DIP2A: variants seen among roughly 807,000 people sequenced by gnomAD.
The protein encoded by DIP2A is DIP2 acetate--CoA ligase A.
Under a neutral mutation model 177.4 loss-of-function variants are expected in DIP2A, and 85 were observed. The ratio of observed to expected loss-of-function variants is 0.48; its 90% CI spans 0.40 to 0.57. The LOEUF is 0.57. Among genes scored for constraint, DIP2A ranks in the 20% least tolerant of loss-of-function variants. The pLI is 0.00. For synonymous variants in DIP2A, 886 were observed against 881.8 expected (o/e 1.00, Z -0.08); for missense variants, 1,791 against 2,100.2 (o/e 0.85, Z 2.88).
chr21:46,496,459 A>G (rs1236979825), intron 3 of DIP2A, among the ~76,000 whole-genome samples: 2 of 152,218 alleles, frequency 1.3e-5, no homozygotes, highest in African/African-American at 4.8e-5. Context: ...CAGCTGCAAT[A>G]GTTTAAACCA....
At chr21:46,531,297 GACCC>G (rs1162767655) in intron 9 of DIP2A, among the ~76,000 whole-genome samples, 1 of 152,142 alleles carries the variant, frequency 6.6e-6, no homozygotes, top group Admixed American at 6.5e-5. Flanking sequence ...TTTGGAAAAT[GACCC>G]ACCAGTAGGT....
At chr21:46,543,786 G>A (rs1266548354) in intron 18 of DIP2A, among the ~76,000 whole-genome samples, 2 of 152,204 alleles carry the variant, frequency 1.3e-5, no homozygotes, top group Admixed American at 6.5e-5. Flanking sequence ...GTGTGGCACT[G>A]ATGGCTGCCT....
intron 8 of DIP2A, among the ~76,000 whole-genome samples, chr21:46,516,906 A>T (rs904480101): frequency 5.9e-5 from 9 of 152,098 alleles, no homozygotes; most frequent in African/African-American, 2.2e-4. Context: ...ACTCTGGAAA[A>T]ATTTCTCATT....
At position 46,540,009 on chromosome 21, in the gene DIP2A, T is replaced by C; in HGVS notation, c.2036+18T>C. 1.3e-6 allele frequency: 2 copies of C among 1,594,550 alleles called. No individual in the cohort carries two copies. The highest frequency in any genetic ancestry group is 1.7e-6 in the Non-Finnish European group (2 of 1,162,242). On this transcript the variant is annotated intron_variant, in intron 17 of 37. Coordinates refer to ENST00000417564, the MANE Select transcript of DIP2A (RefSeq NM_015151.4). ...ATCCGCAGGTAACCTTATTCCTTGC[T>C]ATGTCTCATGAGCACTTAGTTGAAT...
At position 46,563,682 on chromosome 21, in the gene DIP2A, C is replaced by G. The variant is rs1381309800; in HGVS notation, c.4090-176C>G. On this transcript the variant is annotated intron_variant, in intron 34 of 37. Transcript: ENST00000417564. This position sits in a 1 kb window ranked among gnomAD's most constrained non-coding sequence, Gnocchi z 4.3. ...ATTTTGCTTATTTCTATTAACATCT[C>G]TTATTTCTTTCAAAATTCAAAGTCA... 1 of 1,221,970 alleles carries G rather than the reference C, an allele frequency of 8.2e-7. No homozygotes were observed. The highest frequency in any genetic ancestry group is 1.1e-6 in the Non-Finnish European group (1 of 911,662). 75.7% of individuals were successfully genotyped at this position (1,221,970 alleles called of 1,614,324 possible).
At chr21:46,572,197 A>T (rs1463330095), downstream of DIP2A, among the ~76,000 whole-genome samples, 1 of 152,352 alleles carries the variant, frequency 6.6e-6, no homozygotes, top group East Asian at 1.9e-4. Context: ...ACAGTTGTAC[A>T]ATGTGTTTTA....
At chr21:46,490,226 A>G (rs2056931938) in intron 2 of DIP2A, among the ~76,000 whole-genome samples, 1 of 152,214 alleles carries the variant, frequency 6.6e-6, no homozygotes, top group African/African-American at 2.4e-5. Flanking sequence ...GGGGACGAAC[A>G]GCACGGACCA....
At chr21:46,517,243 CTTA>C (rs1253815572) in intron 8 of DIP2A, among the ~76,000 whole-genome samples, 1 of 151,468 alleles carries the variant, frequency 6.6e-6, no homozygotes, top group African/African-American at 2.4e-5. Context: ...TTCTTTCTTT[CTTA>C]TTTTCTTTTT....
intron 21 of DIP2A, among the ~76,000 whole-genome samples, chr21:46,549,446 T>C (rs1569091146): frequency 6.6e-6 from 1 of 152,192 alleles, no homozygotes; most frequent in Non-Finnish European, 1.5e-5. Context: ...TAAAAAAATA[T>C]AATAAATAGA....
intron 8 of DIP2A, among the ~76,000 whole-genome samples, chr21:46,518,694 T>A (rs966545265): frequency 2.6e-5 from 4 of 152,124 alleles, no homozygotes; most frequent in African/African-American, 9.7e-5. Flanking sequence ...CTGTCTCTAC[T>A]AAAAATACAA....
chr21:46,579,157 G>T, the DIP2A span, among the ~76,000 whole-genome samples: 1 of 152,134 alleles, frequency 6.6e-6, no homozygotes, highest in Non-Finnish European at 1.5e-5. Context: ...TTTATTCAGA[G>T]ATTCAACTTC....
chr21:46,465,319 A>G (rs2054714225), intron 1 of DIP2A, among the ~76,000 whole-genome samples: 2 of 152,024 alleles, frequency 1.3e-5, no homozygotes, highest in South Asian at 2.1e-4. Context: ...TGTAATCCCA[A>G]CACTTTGGGA....
intron 1 of DIP2A, among the ~76,000 whole-genome samples, chr21:46,478,688 AC>A (rs1164942192): frequency 2.7e-5 from 4 of 150,484 alleles, no homozygotes; most frequent in African/African-American, 9.7e-5. Flanking sequence ...GGTCTTGCAC[AC>A]CTTTCATTAA....
intron 21 of DIP2A, among the ~76,000 whole-genome samples, chr21:46,549,290 T>C (rs2060180689): frequency 6.6e-6 from 1 of 152,092 alleles, no homozygotes; most frequent in African/African-American, 2.4e-5. Context: ...AGATATCAAC[T>C]CAAAGTCTAA....
intron 1 of DIP2A, among the ~76,000 whole-genome samples, chr21:46,462,099 G>C (rs2054371378): frequency 6.6e-6 from 1 of 152,158 alleles, no homozygotes; most frequent in Admixed American, 6.6e-5. Flanking sequence ...TAGAGTGGCA[G>C]CCAAGGAGGT....
chr21:46,501,263 G>A (rs974421961), intron 5 of DIP2A, among the ~76,000 whole-genome samples: 5 of 152,142 alleles, frequency 3.3e-5, no homozygotes, highest in African/African-American at 1.2e-4. Flanking sequence ...ATCACTTTCA[G>A]TTTTGGATTA....
intron 7 of DIP2A, 117 bp from the exon 8 acceptor site, chr21:46,511,300 G>C (rs544823502): frequency 8.9e-7 from 1 of 1,126,690 alleles, no homozygotes; most frequent in African/African-American, 1.6e-5. Flanking sequence ...ACAAATTATT[G>C]TAAGCTTTTT....
chr21:46,495,573 C>T (rs1568968788), intron 3 of DIP2A, among the ~76,000 whole-genome samples: 5 of 152,018 alleles, frequency 3.3e-5, no homozygotes, highest in African/African-American at 9.7e-5. Context: ...CATCCTCTCT[C>T]TCTCTTTCTT....
intron 19 of DIP2A, 45 bp from the exon 20 acceptor site, chr21:46,545,836 G>T: frequency 1.3e-6 from 2 of 1,597,556 alleles, no homozygotes; most frequent in East Asian, 2.3e-5. Flanking sequence ...TGGCCAGTTG[G>T]TTGGTTGTCC....
Sources: gnomAD v4.1 joint callset for allele counts (sites outside exome capture counted in the v4.1 genomes callset) on GRCh38, gnomAD v4.1.1 for gene constraint, Gnocchi (gnomAD v3.1) non-coding constraint, MANE v1.5 for transcripts, NCBI Gene and HGNC (gene_info 2026-07-23, HGNC 2026-07-21) for gene names.